Variants in RIMS2 observed in about 807,000 individuals in gnomAD.
The protein encoded by RIMS2 is regulating synaptic membrane exocytosis protein 2.
Under a neutral mutation model 174.4 loss-of-function variants are expected in RIMS2, and 59 were observed. That is an observed-to-expected ratio of 0.34 (90% confidence interval 0.27 to 0.42). RIMS2 has a LOEUF of 0.42. Among genes scored for constraint, RIMS2 ranks in the 10% least tolerant of loss-of-function variants. RIMS2 has a pLI of 1.00. For missense variants in RIMS2, 1,620 were observed against 1,666.3 expected, an observed-to-expected ratio of 0.97 and a Z score of 0.48; for synonymous variants, 606 against 572.5, an observed-to-expected ratio of 1.06 and a Z score of -0.84.
At chr8:103,979,827 T>C (rs1408034235) in intron 16 of RIMS2, among the ~76,000 whole-genome samples, 2 of 151,962 alleles carry the variant, frequency 1.3e-5, no homozygotes, top group Non-Finnish European at 2.9e-5. Context: ...AGTGTTGCCC[T>C]GTCATGGCAG....
chr8:103,501,143 C>G (rs1586229586), intron 1 of RIMS2, 81 bp downstream of exon 1: 2 of 1,133,818 alleles, frequency 1.8e-6, no homozygotes, highest in South Asian at 4.7e-5. Context: ...CCTGCGCGCC[C>G]CAGTTCGCCG....
At chr8:103,640,487 A>T (rs1589538691) in intron 1 of RIMS2, among the ~76,000 whole-genome samples, 1 of 152,048 alleles carries the variant, frequency 6.6e-6, no homozygotes, top group South Asian at 2.1e-4. Flanking sequence ...GTCTTACAAT[A>T]TATGCATTAA....
intron 1 of RIMS2, among the ~76,000 whole-genome samples, chr8:103,562,858 T>C (rs2091810137): frequency 6.6e-6 from 1 of 152,212 alleles, no homozygotes; most frequent in South Asian, 2.1e-4. Context: ...ACCTCAGCTC[T>C]TGATTTCTGT....
rs780396402 is a variant in RIMS2, at chr8:104,251,169, T to A, written c.3831+6T>A. 3 of 1,604,210 alleles carry A rather than the reference T, an allele frequency of 1.9e-6. No individual in the cohort carries two copies. The South Asian group carries it at 3.3e-5, about 18-fold the overall frequency. ...CACAAGGAAAAGTTTTACAGGTATC[T>A]ACTTAATTGTTTATCCCTTACCTAA... On this transcript the variant is annotated splice_donor_region_variant and intron_variant, in intron 23 of 23. Transcript: ENST00000504942.
At chr8:103,554,264 T>C (rs1431654086) in intron 1 of RIMS2, among the ~76,000 whole-genome samples, 1 of 152,036 alleles carries the variant, frequency 6.6e-6, no homozygotes, top group Non-Finnish European at 1.5e-5. Context: ...ACCTACAGAA[T>C]GGGAGAAAAT....
chr8:103,940,095 T>A (rs908864618), intron 13 of RIMS2, among the ~76,000 whole-genome samples: 1 of 151,960 alleles, frequency 6.6e-6, no homozygotes, highest in Non-Finnish European at 1.5e-5. Flanking sequence ...TTTTCAGGTA[T>A]TTTTTTTAGC....
At chr8:104,043,208 A>ACT (rs1336375396) in intron 19 of RIMS2, among the ~76,000 whole-genome samples, 3 of 151,156 alleles carry the variant, frequency 2.0e-5, no homozygotes, top group Non-Finnish European at 1.5e-5. Flanking sequence ...AAAGAAAAAA[A>ACT]TGAAGGTAGT....
intron 16 of RIMS2, among the ~76,000 whole-genome samples, chr8:103,981,604 C>T (rs7837318): frequency 0.68 from 103,899 of 152,002 alleles, 36,145 homozygotes; most frequent in African/African-American, 0.72. Flanking sequence ...AAATTCAAAA[C>T]TGCTATTTTG....
intron 19 of RIMS2, among the ~76,000 whole-genome samples, chr8:104,225,346 T>TA (rs2099180721): frequency 6.6e-6 from 1 of 152,220 alleles, no homozygotes; most frequent in Non-Finnish European, 1.5e-5. Context: ...TCCCAAGCTA[T>TA]ACTAGATTAT....
At chr8:103,577,791 C>A (rs1042508631) in intron 1 of RIMS2, among the ~76,000 whole-genome samples, 2 of 151,982 alleles carry the variant, frequency 1.3e-5, no homozygotes, top group African/African-American at 4.8e-5. Context: ...AACCTTGGAC[C>A]TGAGAAATAT....
intron 3 of RIMS2, among the ~76,000 whole-genome samples, chr8:103,844,859 T>G (rs947794215): frequency 3.3e-5 from 5 of 152,080 alleles, no homozygotes; most frequent in African/African-American, 1.2e-4. Context: ...TAGCTATTCT[T>G]TCTGTTTGCC....
chr8:103,577,292 A>G (rs2093318063), intron 1 of RIMS2, among the ~76,000 whole-genome samples: 1 of 152,246 alleles, frequency 6.6e-6, no homozygotes, highest in Non-Finnish European at 1.5e-5. Flanking sequence ...TCAAAAGGAG[A>G]CATCTATGCA....
intron 1 of RIMS2, among the ~76,000 whole-genome samples, chr8:103,618,199 G>T (rs1336556744): frequency 6.6e-6 from 1 of 152,086 alleles, no homozygotes; most frequent in East Asian, 1.9e-4. Context: ...CATGGATGGA[G>T]CTGGAGGCTA....
At chr8:103,885,730 T>C in exon 4 of RIMS2, 1 of 1,613,010 alleles carries the variant, frequency 6.2e-7, no homozygotes, top group Non-Finnish European at 8.5e-7. Context: ...CAAATGCTGA[T>C]CTGGAAGATT....
intron 10 of RIMS2, chr8:103,927,727 A>C (rs969751736): frequency 4.3e-6 from 3 of 698,572 alleles, no homozygotes; most frequent in Non-Finnish European, 7.5e-6. Flanking sequence ...GTCATGGAAA[A>C]ATTGTATTTA....
intron 19 of RIMS2, among the ~76,000 whole-genome samples, chr8:104,103,607 T>A (rs927536995): frequency 1.3e-5 from 2 of 152,114 alleles, no homozygotes; most frequent in Non-Finnish European, 2.9e-5. Flanking sequence ...ATTTTTTTCA[T>A]CTGTGCGTAT....
Position 103,733,116 on chromosome 8 carries a change from TG to T in RIMS2, c.388-33108del, listed in dbSNP as rs200560342. Among the ~76,000 whole-genome samples, 937 of 152,222 alleles carry T rather than the reference TG, an allele frequency of 6.2e-3. 11 individuals carry two copies. The highest frequency in any genetic ancestry group is 0.021 in the African/African-American group (887 of 41,546). On this transcript the variant is annotated intron_variant, in intron 2 of 23. Transcript: ENST00000504942. ...GCCTGGCTTCCACTGGTGTTTATTCTGGGTTCAAGGGCCCTTTAGTCTGCAG... is the reference window on the plus strand; with the variant it reads ...GCCTGGCTTCCACTGGTGTTTATTCTGGTTCAAGGGCCCTTTAGTCTGCAG...
intron 6 of RIMS2, among the ~76,000 whole-genome samples, chr8:103,912,959 C>CTTT (rs763813911): frequency 0.1 from 13,641 of 134,836 alleles, 1,068 homozygotes; most frequent in Non-Finnish European, 0.17. Flanking sequence ...CTCTAGCAAA[C>CTTT]TTTTTTTGTT....
intron 1 of RIMS2, among the ~76,000 whole-genome samples, chr8:103,517,352 T>A (rs955107595): frequency 6.6e-6 from 1 of 152,084 alleles, no homozygotes; most frequent in African/African-American, 2.4e-5. Flanking sequence ...GTGCATGGTG[T>A]CTTTGGGGAA....
Sources: gnomAD v4.1 joint callset for allele counts (sites outside exome capture counted in the v4.1 genomes callset) on GRCh38, gnomAD v4.1.1 for gene constraint, MANE v1.5 for transcripts, NCBI Gene and HGNC (gene_info 2026-07-23, HGNC 2026-07-21) for gene names.